LILRB1: variants seen among roughly 807,000 people sequenced by gnomAD.
The protein encoded by LILRB1 is leukocyte immunoglobulin like receptor B1, also known as leukocyte immunoglobulin-like receptor subfamily B member 1.
Under a neutral mutation model 74.6 loss-of-function variants are expected in LILRB1, and 59 were observed. The observed-to-expected ratio is 0.79, with a 90% CI of 0.64 to 0.98. The LOEUF is 0.98. Ranked by LOEUF, LILRB1 falls within the 50% of genes least tolerant of loss-of-function variation. The pLI, the probability that LILRB1 is intolerant of heterozygous loss-of-function variation, is 0.00. For missense variants in LILRB1, 804 were observed against 822.6 expected, an observed-to-expected ratio of 0.98 and a Z score of 0.28; for synonymous variants, 328 against 333.9, an observed-to-expected ratio of 0.98 and a Z score of 0.19.
chr19:54,619,611 C>T (rs1325970331), intron 1 of LILRB1, among the ~76,000 whole-genome samples: 2 of 152,006 alleles, frequency 1.3e-5, no homozygotes, highest in African/African-American at 4.8e-5. Flanking sequence ...TCTCCTTCAC[C>T]TTGTGTTGGC....
intron 1 of LILRB1, among the ~76,000 whole-genome samples, chr19:54,618,160 TAG>T (rs1227443825): frequency 9.1e-6 from 1 of 110,140 alleles, no homozygotes; most frequent in Non-Finnish European, 2.2e-5. Context: ...AAGTTTGAGA[TAG>T]AAAAAAAAGA....
intron 1 of LILRB1, among the ~76,000 whole-genome samples, chr19:54,621,507 G>A (rs2063454247): frequency 6.8e-6 from 1 of 146,384 alleles, no homozygotes; most frequent in Non-Finnish European, 1.5e-5. Flanking sequence ...TCTTTACTCA[G>A]TTTTCCATAA....
chr19:54,633,500 C>G, intron 7 of LILRB1, 138 bp from the exon 8 acceptor site: 5 of 1,187,348 alleles, frequency 4.2e-6, no homozygotes, highest in Non-Finnish European at 5.9e-6. Flanking sequence ...TCAGTGGCAT[C>G]GCCAGCATCA....
intron 1 of LILRB1, among the ~76,000 whole-genome samples, chr19:54,620,916 A>G (rs1044124084): frequency 6.6e-6 from 1 of 152,146 alleles, no homozygotes; most frequent in African/African-American, 2.4e-5. Flanking sequence ...CTTGTTGCCC[A>G]GGCTGGAGTG....
At chr19:54,628,654 C>G (rs534984060), upstream of LILRB1, among the ~76,000 whole-genome samples, 16 of 152,232 alleles carry the variant, frequency 1.1e-4, no homozygotes, top group African/African-American at 3.9e-4. Flanking sequence ...CATACCCTCC[C>G]TGGGCATCAC....
chr19:54,636,937 C>T lies in LILRB1; in HGVS notation c.*59C>T. On this transcript the variant is annotated 3_prime_UTR_variant, in exon 15 of 15. Coordinates refer to ENST00000324602, the MANE Select transcript of LILRB1 (RefSeq NM_001081637.3). Reference sequence around the variant, plus strand: ...AGTCTGGAATGCATGGGAGCTGCCCCCCCAGTGGACACCATTGGACCCCAC... The same window carrying T: ...AGTCTGGAATGCATGGGAGCTGCCCTCCCAGTGGACACCATTGGACCCCAC... 6.2e-7 allele frequency: 1 copy of T among 1,604,574 alleles called. No individual in the cohort carries two copies. The highest frequency in any genetic ancestry group is 8.5e-7 in the Non-Finnish European group (1 of 1,173,998).
chr19:54,630,144 G>A (rs974181420), upstream of LILRB1, among the ~76,000 whole-genome samples: 2 of 152,274 alleles, frequency 1.3e-5, no homozygotes, highest in Non-Finnish European at 2.9e-5. Context: ...GGAAGAATCT[G>A]AGGCTCAGAG....
chr19:54,629,271 C>T (rs4112254), upstream of LILRB1, among the ~76,000 whole-genome samples: 1 of 151,846 alleles, frequency 6.6e-6, no homozygotes, highest in South Asian at 2.1e-4. Context: ...GTGCATGTAG[C>T]GGGTACTGAA....
chr19:54,619,597 G>T (rs1327378160), intron 1 of LILRB1, among the ~76,000 whole-genome samples: 2 of 152,076 alleles, frequency 1.3e-5, no homozygotes, highest in African/African-American at 4.8e-5. Context: ...TTGGATGATA[G>T]CTCTCTCCTT....
At chr19:54,632,825 G>T (rs1338665676) in intron 6 of LILRB1, 65 bp downstream of exon 6, 2 of 1,598,178 alleles carry the variant, frequency 1.3e-6, no homozygotes, top group Non-Finnish European at 1.7e-6. Context: ...GGGGAGCTCA[G>T]GTAGTGATGG....
intron 12 of LILRB1, 84 bp from the exon 13 acceptor site, chr19:54,635,473 T>C (rs542842366): frequency 1.9e-6 from 3 of 1,549,018 alleles, no homozygotes; most frequent in East Asian, 2.2e-5. Flanking sequence ...AGTGGCCCCA[T>C]CTGGGAGCTG....
At chr19:54,621,243 G>C (rs1375332354) in intron 1 of LILRB1, among the ~76,000 whole-genome samples, 1 of 113,876 alleles carries the variant, frequency 8.8e-6, no homozygotes, top group Non-Finnish European at 2.1e-5. Flanking sequence ...TAAGTGAAAT[G>C]GTAGTTCTAT....
At chr19:54,636,121 G>C (rs1484121520) in intron 13 of LILRB1, 6 of 567,882 alleles carry the variant, frequency 1.1e-5, no homozygotes, top group Non-Finnish European at 1.7e-5. Flanking sequence ...GTGTGGGGCA[G>C]TGGGGCCAGT....
At chr19:54,633,898 C>A in intron 8 of LILRB1, 73 bp from the exon 9 acceptor site, 2 of 1,538,270 alleles carry the variant, frequency 1.3e-6, no homozygotes, top group Non-Finnish European at 1.8e-6. Context: ...TGGGGCCCAG[C>A]CTGGGGGAGG....
chr19:54,627,997 CA>C (rs2063643640), upstream of LILRB1, among the ~76,000 whole-genome samples: 1 of 152,172 alleles, frequency 6.6e-6, no homozygotes, highest in South Asian at 2.1e-4. Flanking sequence ...CGAGAGTACA[CA>C]AAACAAAAGA....
At chr19:54,635,472 A>G in intron 12 of LILRB1, 85 bp from the exon 13 acceptor site, 2 of 1,547,668 alleles carry the variant, frequency 1.3e-6, no homozygotes, top group African/African-American at 1.4e-5. Flanking sequence ...CAGTGGCCCC[A>G]TCTGGGAGCT....
At position 54,637,244 on chromosome 19, in the gene LILRB1, A is replaced by G; in HGVS notation, c.*366A>G. ...ATCTTGGCTTTCCTATAAGAAATTT[A>G]GGGCAGGGCACGGTGGCTCACGCCT... On this transcript the variant is annotated 3_prime_UTR_variant, in exon 15 of 15. Transcript: ENST00000324602. 1 of 222,838 alleles carries G rather than the reference A, an allele frequency of 4.5e-6. No individual in the cohort carries two copies. Among genetic ancestry groups the G allele is most frequent in the South Asian group, 8.1e-5 (1 of 12,286 alleles). 13.8% of individuals were successfully genotyped at this position (222,838 alleles called of 1,614,324 possible).
rs1465593352 is a variant in LILRB1, at chr19:54,631,523, T to G, written c.94T>G (p.Trp32Gly). ...AGGGCACCTCCCCAAGCCCACCCTCTGGGCTGAACCAGGCTCTGTGATCAC... is the reference window on the plus strand; with the variant it reads ...AGGGCACCTCCCCAAGCCCACCCTCGGGGCTGAACCAGGCTCTGTGATCAC... ...QAGHLPKPTL[W>G]AEPGSVITQG... Residue 32 changes from tryptophan to glycine, a missense_variant, in exon 4 of 15, where the codon TGG becomes GGG. Coordinates refer to ENST00000324602, the MANE Select transcript of LILRB1 (RefSeq NM_001081637.3). The G allele has an allele frequency of 3.8e-5, 61 of 1,613,416 alleles. No individual in the cohort carries two copies. Among genetic ancestry groups the G allele is most frequent in the Non-Finnish European group, 5.0e-5 (59 of 1,179,728 alleles).
intron 1 of LILRB1, among the ~76,000 whole-genome samples, chr19:54,622,370 A>G (rs2063478859): frequency 6.6e-6 from 1 of 152,150 alleles, no homozygotes; most frequent in South Asian, 2.1e-4. Flanking sequence ...TCCTTTCATC[A>G]GCCTTTTGTC....
Sources: gnomAD v4.1 joint callset for allele counts (sites outside exome capture counted in the v4.1 genomes callset) on GRCh38, gnomAD v4.1.1 for gene constraint, MANE v1.5 for transcripts, NCBI Gene and HGNC (gene_info 2026-07-23, HGNC 2026-07-21) for gene names.